Variants in MCEE observed in about 807,000 individuals in gnomAD.
MCEE encodes the protein methylmalonyl-CoA epimerase.
MCEE carries 6 observed loss-of-function variants against 12.9 expected under a neutral mutation model. The observed-to-expected ratio is 0.47, with a 90% CI of 0.26 to 0.92. The LOEUF is 0.92. Among genes scored for constraint, MCEE ranks in the 40% least tolerant of loss-of-function variants. The pLI is 0.16. For synonymous variants in MCEE, 78 were observed against 77.9 expected (o/e 1.00, Z -0.01); for missense variants, 214 against 212.1 (o/e 1.01, Z -0.05).
At chr2:71,111,611 A>G (rs184699352) in intron 2 of MCEE, among the ~76,000 whole-genome samples, 1 of 152,248 alleles carries the variant, frequency 6.6e-6, no homozygotes, top group Admixed American at 6.5e-5. Context: ...CATGCGTGCA[A>G]TACTCGAAGC....
intron 1 of MCEE, among the ~76,000 whole-genome samples, chr2:71,126,477 C>T (rs543518046): frequency 3.3e-5 from 5 of 150,560 alleles, no homozygotes; most frequent in Admixed American, 6.7e-5. Flanking sequence ...CCGCCCACCT[C>T]GGCCTCCCAA....
At chr2:71,118,979 C>A (rs944435842) in intron 2 of MCEE, among the ~76,000 whole-genome samples, 1 of 149,734 alleles carries the variant, frequency 6.7e-6, no homozygotes, top group Admixed American at 6.6e-5. Context: ...TGGATGCCCT[C>A]CTCACCTTGC....
intron 1 of MCEE, among the ~76,000 whole-genome samples, chr2:71,127,971 T>C (rs540735614): frequency 4.0e-4 from 61 of 152,314 alleles, no homozygotes; most frequent in African/African-American, 1.4e-3. Context: ...TGAGGAAACA[T>C]ACGTATTTAG....
intron 2 of MCEE, chr2:71,110,884 T>C (rs1257066325): frequency 6.6e-6 from 1 of 152,122 alleles, no homozygotes; most frequent in Non-Finnish European, 1.5e-5. Context: ...AAAGGTATGA[T>C]ATGAATGGCC....
At chr2:71,126,342 C>T (rs1401218370) in intron 1 of MCEE, among the ~76,000 whole-genome samples, 1 of 151,892 alleles carries the variant, frequency 6.6e-6, no homozygotes, top group East Asian at 1.9e-4. Flanking sequence ...ATTCTCCTGC[C>T]TCAGTCTCCT....
intron 1 of MCEE, among the ~76,000 whole-genome samples, chr2:71,125,355 C>T (rs1050648933): frequency 6.6e-6 from 1 of 151,268 alleles, no homozygotes; most frequent in Non-Finnish European, 1.5e-5. Context: ...ATTACAGGCA[C>T]CTGCCACATG....
chr2:71,118,005 G>A (rs1673027741), intron 2 of MCEE, among the ~76,000 whole-genome samples: 1 of 150,126 alleles, frequency 6.7e-6, no homozygotes, highest in Admixed American at 6.6e-5. Context: ...ACAGAGGCCT[G>A]TTACCCCATG....
chr2:71,125,207 A>ATTTTTTTTTTTT (rs1217307224), intron 1 of MCEE, among the ~76,000 whole-genome samples: 1 of 46,602 alleles, frequency 2.1e-5, no homozygotes, highest in Non-Finnish European at 5.1e-5. Context: ...ATATATATAT[A>ATTTTTTTTTTTT]TATATTTTTT....
At chr2:71,121,229 G>C (rs1184715062) in intron 2 of MCEE, among the ~76,000 whole-genome samples, 1 of 152,126 alleles carries the variant, frequency 6.6e-6, no homozygotes, top group Non-Finnish European at 1.5e-5. Flanking sequence ...ATGGGATAAG[G>C]ACAGAAGTGA....
At chr2:71,124,154 C>G in intron 2 of MCEE, 52 bp downstream of exon 2, 11 of 1,371,264 alleles carry the variant, frequency 8.0e-6, no homozygotes, top group Admixed American at 1.8e-5. Flanking sequence ...AAGTAGAAGA[C>G]ATTTTTTAAA....
chr2:71,127,781 C>A (rs1035646532), intron 1 of MCEE, among the ~76,000 whole-genome samples: 3 of 152,186 alleles, frequency 2.0e-5, no homozygotes, highest in Non-Finnish European at 4.4e-5. Flanking sequence ...AGCGCGCCAC[C>A]ACGCCCGGTT....
Position 71,124,169 on chromosome 2 carries a change from A to G in MCEE, c.378+37T>C, listed in dbSNP as rs780918097. ...AAGTAGAAGACATTTTTTAAAAGAGAGATTTAAAATACCAGGCATTAAAAT... is the reference window on the plus strand; with the variant it reads ...AAGTAGAAGACATTTTTTAAAAGAGGGATTTAAAATACCAGGCATTAAAAT... On this transcript the variant is annotated intron_variant, in intron 2 of 2. Coordinates refer to ENST00000244217, the MANE Select transcript of MCEE (RefSeq NM_032601.4). 14 of 1,459,238 alleles carry G rather than the reference A, an allele frequency of 9.6e-6. No individual in the cohort carries two copies. The South Asian group carries it at 1.4e-4, about 15-fold the overall frequency. 90.4% of individuals were successfully genotyped at this position (1,459,238 alleles called of 1,614,324 possible). A position where few individuals can be genotyped will look rare whatever the true frequency, so the allele number is the denominator to read the frequency against.
chr2:71,110,510 C>T (rs1352869839), intron 2 of MCEE, among the ~76,000 whole-genome samples: 1 of 152,136 alleles, frequency 6.6e-6, no homozygotes, highest in Non-Finnish European at 1.5e-5. Flanking sequence ...AAATTGACTA[C>T]AGATTAAAAT....
At chr2:71,117,273 A>C (rs1673013764) in intron 2 of MCEE, among the ~76,000 whole-genome samples, 1 of 150,576 alleles carries the variant, frequency 6.6e-6, no homozygotes, top group African/African-American at 2.5e-5. Flanking sequence ...GTCTTCTTGG[A>C]TTTATTTCAG....
intron 1 of MCEE, among the ~76,000 whole-genome samples, chr2:71,127,089 C>G (rs182204612): frequency 2.4e-4 from 36 of 152,154 alleles, no homozygotes; most frequent in African/African-American, 8.2e-4. Context: ...CAAATAAATG[C>G]ATAAGATATT....
chr2:71,126,088 G>A (rs1558748764), intron 1 of MCEE, among the ~76,000 whole-genome samples: 1 of 152,072 alleles, frequency 6.6e-6, no homozygotes, highest in African/African-American at 2.4e-5. Context: ...GGGCTCAAGC[G>A]ATCCTCCGAC....
intron 2 of MCEE, among the ~76,000 whole-genome samples, chr2:71,123,584 G>A (rs1004372814): frequency 1.3e-5 from 2 of 151,760 alleles, no homozygotes; most frequent in Admixed American, 6.6e-5. Flanking sequence ...AAATTAAATC[G>A]ATGCATAATT....
chr2:71,128,533 T>TA (rs1673288799), intron 1 of MCEE, among the ~76,000 whole-genome samples: 1 of 151,348 alleles, frequency 6.6e-6, no homozygotes, highest in Non-Finnish European at 1.5e-5. Flanking sequence ...AAAAGCAATT[T>TA]TTTTTTTTTT....
At chr2:71,119,428 T>C (rs1004650327) in intron 2 of MCEE, among the ~76,000 whole-genome samples, 3 of 150,650 alleles carry the variant, frequency 2.0e-5, no homozygotes, top group Admixed American at 6.6e-5. Flanking sequence ...TGTGGACTCA[T>C]CACTGACTGA....
Sources: allele counts gnomAD v4.1 joint callset (sites outside exome capture counted in the v4.1 genomes callset), GRCh38; gene constraint gnomAD v4.1.1; transcripts MANE v1.5; gene names NCBI Gene and HGNC (gene_info 2026-07-23, HGNC 2026-07-21).